PEX26: variants seen among roughly 807,000 people sequenced by gnomAD.
PEX26 encodes peroxisomal biogenesis factor 26.
In PEX26, 18 loss-of-function variants were observed where a neutral mutation model predicts 31.4. That is an observed-to-expected ratio of 0.57 (90% CI 0.40 to 0.85). PEX26 has a LOEUF of 0.85. PEX26 is among the 40% of genes least tolerant of loss of function. The probability of loss-of-function intolerance (pLI) is 0.00; values close to 1 mark genes in which losing one functional copy is unlikely to be tolerated. For missense variants in PEX26, 377 were observed against 383.9 expected, an observed-to-expected ratio of 0.98 and a Z score of 0.15; for synonymous variants, 176 against 166.9, an observed-to-expected ratio of 1.05 and a Z score of -0.42.
At position 18,092,578 on chromosome 22, in the gene PEX26, C is replaced by T. The variant is rs562838187; in HGVS notation, c.*4503C>T. On this transcript the variant is annotated 3_prime_UTR_variant, in exon 5 of 5. Transcript: ENST00000399744. Reference sequence around the variant, plus strand: ...GAAGGAAATACAGGACTCGTGATCCCACCACTCAGAAATAATTACTATTAA... The same window carrying T: ...GAAGGAAATACAGGACTCGTGATCCTACCACTCAGAAATAATTACTATTAA... 2 of 152,234 alleles carry T rather than the reference C, an allele frequency of 1.3e-5. No individual in the cohort carries two copies. Among genetic ancestry groups the T allele is most frequent in the Admixed American group, 6.5e-5 (1 of 15,300 alleles). 9.4% of individuals were successfully genotyped at this position (152,234 alleles called of 1,614,324 possible).
In PEX26 at chr22:18,078,575, A is replaced by G; in HGVS notation, c.199A>G (p.Asn67Asp). Residue 67 changes from asparagine to aspartate, a missense_variant, in exon 1 of 5, where the codon AAC becomes GAC. Transcript: ENST00000399744. ...TCERAWQSLA[N>D]HAVAEEPAGT... Reference sequence around the variant, plus strand: ...CGAGCGGGCCTGGCAGAGTCTGGCCAACCACGCCGTGGCAGAGGAACCCGC... The same window carrying G: ...CGAGCGGGCCTGGCAGAGTCTGGCCGACCACGCCGTGGCAGAGGAACCCGC... 1 of 1,599,288 alleles carries G rather than the reference A, an allele frequency of 6.3e-7. No individual in the cohort carries two copies. The highest frequency in any genetic ancestry group is 8.5e-7 in the Non-Finnish European group (1 of 1,175,400).
rs1182241128 is a variant in PEX26 at position 18,079,878 on chromosome 22, T to C, written c.235T>C (p.Leu79=). The change falls in exon 2 of 5, where the codon TTG becomes CTG. Residue 79 remains leucine, a synonymous_variant. Coordinates refer to ENST00000399744, the MANE Select transcript of PEX26 (RefSeq NM_001127649.3). ...AVAEEPAGTS[L]EVKCSLCVVG... is the part of the protein sequence containing the mutation. ...AATTGGTTTTTCTGCTGACAGCTCA[T>C]TGGAGGTGAAGTGCTCCCTGTGTGT... is the stretch of plus-strand genomic sequence containing the variant. The C allele has an allele frequency of 3.7e-6, 6 of 1,614,110 alleles. No individual in the cohort carries two copies. The highest frequency in any genetic ancestry group is 3.3e-4 in the Middle Eastern group (2 of 6,060).
rs375516733 is a variant in PEX26 at position 18,083,538 on chromosome 22, C to G, written c.473C>G (p.Ala158Gly). 8.1e-6 allele frequency: 13 copies of G among 1,613,998 alleles called. No homozygotes were observed. Among genetic ancestry groups the G allele is most frequent in the South Asian group, 3.3e-5 (3 of 91,086 alleles). Residue 158 changes from alanine (A) to glycine (G), a missense_variant, in exon 3 of 5, where the codon GCC (alanine) becomes GGC (glycine). Transcript: ENST00000399744. ...PANQNLPEYG[A>G]LAEFHVQRVL... Reference sequence around the variant, plus strand: ...AATCAAAACCTTCCAGAATATGGAGCCTTGGCAGAATTTCACGTGCAGCGG... The same window carrying G: ...AATCAAAACCTTCCAGAATATGGAGGCTTGGCAGAATTTCACGTGCAGCGG...
chr22:18,078,882 G>T, intron 1 of PEX26: 1 of 620,316 alleles, frequency 1.6e-6, no homozygotes, highest in Non-Finnish European at 3.0e-6. Context: ...TGTATTAAGT[G>T]CTAAGTTCTG....
rs1927319254 is a variant in PEX26, at chr22:18,097,133, C to T, written c.*9058C>T. On this transcript the variant is annotated 3_prime_UTR_variant, in exon 5 of 5. Transcript: ENST00000399744. ...GTGATCCAGTCACCTCCCACCAGGT[C>T]CCTCCTCCGACGTGGGGATTACAGT... 6.6e-6 allele frequency: 1 copy of T among 152,222 alleles called. No individual in the cohort carries two copies. Among genetic ancestry groups the T allele is most frequent in the Non-Finnish European group, 1.5e-5 (1 of 68,066 alleles). 9.4% of individuals were successfully genotyped at this position (152,222 alleles called of 1,614,324 possible).
intron 3 of PEX26, among the ~76,000 whole-genome samples, chr22:18,084,126 C>T (rs1926734006): frequency 6.6e-6 from 1 of 152,102 alleles, no homozygotes. Context: ...ATATCAGAAA[C>T]TAATTTGCAG....
Position 18,096,077 on chromosome 22 carries a change from C to T in PEX26, c.*8002C>T, listed in dbSNP as rs923420397. On this transcript the variant is annotated 3_prime_UTR_variant, in exon 5 of 5. Transcript: ENST00000399744. ...ACCTCAAGTGATCTGCATGCCTCAC[C>T]TCCCAAAGTGTTGGGAATACAGGCA... The T allele has an allele frequency of 1.4e-4, 21 of 152,270 alleles. No individual in the cohort carries two copies. The highest frequency in any genetic ancestry group is 5.1e-4 in the African/African-American group (21 of 41,458). 9.4% of individuals were successfully genotyped at this position (152,270 alleles called of 1,614,324 possible).
chr22:18,091,689 G>GCC lies in PEX26; in HGVS notation c.*3615_*3616insCC, dbSNP rs1927105206. 1 of 152,262 alleles carries GCC rather than the reference G, an allele frequency of 6.6e-6. No individual in the cohort carries two copies. Among genetic ancestry groups the GCC allele is most frequent in the African/African-American group, 2.4e-5 (1 of 41,442 alleles). The allele number at this position is 152,262 out of a possible 1,614,324, so 9.4% of individuals were successfully genotyped here. A position where few individuals can be genotyped will look rare whatever the true frequency, so the allele number is the denominator to read the frequency against. On this transcript the variant is annotated 3_prime_UTR_variant, in exon 5 of 5. Transcript: ENST00000399744. Reference sequence around the variant, plus strand: ...CTTTCTCAGTCCCAGCATATGTGGAGCAGCCTCATTCTTCATAGCTGTGTG... The same window carrying GCC: ...CTTTCTCAGTCCCAGCATATGTGGAGCCCAGCCTCATTCTTCATAGCTGTGTG...
chr22:18,085,212 C>G lies in PEX26; in HGVS notation c.768C>G (p.Leu256=). 6.2e-7 allele frequency: 1 copy of G among 1,614,130 alleles called. No homozygotes were observed. The highest frequency in any genetic ancestry group is 8.5e-7 in the Non-Finnish European group (1 of 1,180,016). ...HFFSLPFKKS[L]LAALILCLLV... ...TTTCTCTGCCCTTCAAAAAGAGTCTCCTGGCTGCCTTGATCCTCTGTCTCC... is the reference window on the plus strand; with the variant it reads ...TTTCTCTGCCCTTCAAAAAGAGTCTGCTGGCTGCCTTGATCCTCTGTCTCC... Residue 256 remains leucine (L), a synonymous_variant, in exon 4 of 5, where the codon CTC becomes CTG. Transcript: ENST00000399744.
chr22:18,086,344 G>A (rs1256687446), intron 4 of PEX26, among the ~76,000 whole-genome samples: 1 of 152,096 alleles, frequency 6.6e-6, no homozygotes, highest in Non-Finnish European at 1.5e-5. Flanking sequence ...GTATAAAGAA[G>A]GGCATAGAAA....
intron 2 of PEX26, among the ~76,000 whole-genome samples, chr22:18,081,151 TTATATATATA>T (rs60289884): frequency 0.83 from 117,586 of 141,282 alleles, 49,252 homozygotes; most frequent in South Asian, 0.89. Context: ...TAGTATTCCA[TTATATATATA>T]TATATATATA....
intron 1 of PEX26, 40 bp from the exon 2 acceptor site, chr22:18,079,834 G>A: frequency 6.2e-7 from 1 of 1,613,274 alleles, no homozygotes; most frequent in Non-Finnish European, 8.5e-7. Flanking sequence ...GGAAATGGAG[G>A]GGAACCACTT....
intron 2 of PEX26, 105 bp from the exon 3 acceptor site, chr22:18,083,332 A>C (rs1306733119): frequency 1.7e-6 from 2 of 1,160,078 alleles, no homozygotes; most frequent in African/African-American, 3.0e-5. Flanking sequence ...TCGAGGACAC[A>C]GTGAGGAGGG....
At position 18,103,933 on chromosome 22, in the gene PEX26, T is replaced by G. The variant is rs1927535604; in HGVS notation, c.*15858T>G. Reference sequence around the variant, plus strand: ...TTTCTGGGTTTTTCTCTTGGGCTGGTTTTTGAAAGTGGATCTACAACATTG... The same window carrying G: ...TTTCTGGGTTTTTCTCTTGGGCTGGGTTTTGAAAGTGGATCTACAACATTG... On this transcript the variant is annotated 3_prime_UTR_variant, in exon 5 of 5. Transcript: ENST00000399744. The G allele has an allele frequency of 1.3e-5, 2 of 152,144 alleles. No individual in the cohort carries two copies. Among genetic ancestry groups the G allele is most frequent in the South Asian group, 4.1e-4 (2 of 4,834 alleles). The allele number at this position is 152,144 out of a possible 1,614,324, so 9.4% of individuals were successfully genotyped here. A position where few individuals can be genotyped will look rare whatever the true frequency, so the allele number is the denominator to read the frequency against.
In PEX26 at chr22:18,101,640, C is replaced by T; in HGVS notation, c.*13565C>T. The T allele has an allele frequency of 9.4e-6, 2 of 213,640 alleles. No individual in the cohort carries two copies. Among genetic ancestry groups the T allele is most frequent in the Non-Finnish European group, 1.9e-5 (2 of 107,224 alleles). 13.2% of individuals were successfully genotyped at this position (213,640 alleles called of 1,614,324 possible). A position where few individuals can be genotyped will look rare whatever the true frequency, so the allele number is the denominator to read the frequency against. On this transcript the variant is annotated 3_prime_UTR_variant, in exon 5 of 5. Coordinates refer to ENST00000399744, the MANE Select transcript of PEX26 (RefSeq NM_001127649.3). ...TCAAGAAAAGAATGTGGCCACCTTC[C>T]AAGGCTCAGAGTAGCTGTGCAATGA...
chr22:18,086,247 CA>C (rs1259353237), intron 4 of PEX26, among the ~76,000 whole-genome samples: 2 of 151,964 alleles, frequency 1.3e-5, no homozygotes, highest in African/African-American at 4.8e-5. Flanking sequence ...TGCAGTGAGC[CA>C]AGATTGCACT....
At chr22:18,086,019 C>T (rs1057456100) in intron 4 of PEX26, among the ~76,000 whole-genome samples, 1 of 151,924 alleles carries the variant, frequency 6.6e-6, no homozygotes, top group Non-Finnish European at 1.5e-5. Flanking sequence ...GAAAATAGGC[C>T]GGACATGGTG....
In PEX26 at chr22:18,078,435, G is replaced by A; in HGVS notation, c.59G>A (p.Arg20His). 2 of 1,576,720 alleles carry A rather than the reference G, an allele frequency of 1.3e-6. No individual in the cohort carries two copies. The highest frequency in any genetic ancestry group is 1.7e-4 in the Middle Eastern group (1 of 5,942). ...APLRGLGGPLRSSEPVRAVPA... is the reference protein window; with the variant it reads ...APLRGLGGPLHSSEPVRAVPA... ...CTCAGGGGGCTCGGGGGACCCCTGC[G>A]CAGCAGCGAGCCGGTGCGCGCGGTC... The change falls in exon 1 of 5, where the codon CGC becomes CAC. Residue 20 changes from arginine to histidine, a missense_variant. Coordinates refer to ENST00000399744, the MANE Select transcript of PEX26 (RefSeq NM_001127649.3).
At chr22:18,087,272 G>T (rs986192100) in intron 4 of PEX26, among the ~76,000 whole-genome samples, 1 of 151,878 alleles carries the variant, frequency 6.6e-6, no homozygotes, top group African/African-American at 2.4e-5. Context: ...ACGGGGTTTC[G>T]CCATGTTTGC....
Sources: gnomAD v4.1 joint callset for allele counts (sites outside exome capture counted in the v4.1 genomes callset) on GRCh38, gnomAD v4.1.1 for gene constraint, MANE v1.5 for transcripts, NCBI Gene and HGNC (gene_info 2026-07-23, HGNC 2026-07-21) for gene names.